BRMS1: variants seen among roughly 807,000 people sequenced by gnomAD.
The protein encoded by BRMS1 is BRMS1 transcriptional repressor and anoikis regulator.
A neutral mutation model predicts 40.4 loss-of-function variants in BRMS1; 26 were observed. That is an observed-to-expected ratio of 0.64 (90% CI 0.47 to 0.89). The LOEUF is 0.89. BRMS1 is among the 40% of genes least tolerant of loss of function. BRMS1 has a pLI of 0.00. For synonymous variants in BRMS1, 103 were observed against 116.0 expected (o/e 0.89, Z 0.72); for missense variants, 289 against 309.4 (o/e 0.93, Z 0.49).
chr11:66,342,599 G>A (rs1036971164), intron 1 of BRMS1, among the ~76,000 whole-genome samples: 2 of 152,276 alleles, frequency 1.3e-5, no homozygotes, highest in South Asian at 2.1e-4. Context: ...ACAGAGTCTC[G>A]CTCTGTTGAC....
intron 7 of BRMS1, among the ~76,000 whole-genome samples, chr11:66,339,207 G>A (rs1484134116): frequency 6.6e-6 from 1 of 152,172 alleles, no homozygotes. Flanking sequence ...TGGCCTTCCA[G>A]ATTCCTCCCT....
Position 66,341,535 on chromosome 11 carries a change from C to T in BRMS1, c.228G>A (p.Glu76=). The T allele has an allele frequency of 6.2e-7, 1 of 1,614,080 alleles. No individual in the cohort carries two copies. Among genetic ancestry groups the T allele is most frequent in the Non-Finnish European group, 8.5e-7 (1 of 1,179,988 alleles). The change falls in exon 3 of 10, where the codon GAG becomes GAA. Residue 76 remains glutamate (E), a splice_region_variant and synonymous_variant. Transcript: ENST00000359957. The surrounding 1 kb of genome is among the most constrained non-coding windows in gnomAD (Gnocchi z 4.9). ...GCCCAAGGTGTCCCCACGCTCACTT[C>T]TCCTTTAGCTCCGAGAACTGCTTCT... The part of the protein sequence containing the change: ...DLEKQFSELK[E]KLFRERLSQL...
chr11:66,340,901 G>A (rs1393425498), intron 5 of BRMS1, 31 bp from the exon 6 acceptor site: 8 of 1,613,580 alleles, frequency 5.0e-6, no homozygotes, highest in Non-Finnish European at 5.9e-6. Flanking sequence ...TCAGCAGGAC[G>A]GATGGGGTGA....
chr11:66,338,298 G>A lies in BRMS1; in HGVS notation c.694-16C>T, dbSNP rs757569591. The A allele has an allele frequency of 1.2e-6, 2 of 1,604,676 alleles. No homozygotes were observed. The highest frequency in any genetic ancestry group is 1.7e-5 in the Admixed American group (1 of 58,884). On this transcript the variant is annotated splice_polypyrimidine_tract_variant and intron_variant, in intron 8 of 9. Coordinates refer to ENST00000359957, the MANE Select transcript of BRMS1 (RefSeq NM_015399.4). ...CTGCCCTAGCCTGGGTGGGTGAGAA[G>A]AAAAGCTCCCCTGAGAGCCCACCTC...
At chr11:66,337,945 A>G in intron 9 of BRMS1, 56 bp from the exon 10 acceptor site, 47 of 1,566,890 alleles carry the variant, frequency 3.0e-5, no homozygotes, top group Non-Finnish European at 4.1e-5. Flanking sequence ...GAAAGGAAGG[A>G]GGCAGCCACT....
chr11:66,339,432 C>T (rs987758912), intron 7 of BRMS1, among the ~76,000 whole-genome samples: 1 of 152,214 alleles, frequency 6.6e-6, no homozygotes, highest in African/African-American at 2.4e-5. Flanking sequence ...GGCACAGAAG[C>T]ACACAGGAAA....
chr11:66,340,547 C>A (rs545042195), intron 6 of BRMS1, among the ~76,000 whole-genome samples: 2 of 152,320 alleles, frequency 1.3e-5, no homozygotes, highest in South Asian at 4.1e-4. Flanking sequence ...CACACTGATA[C>A]CTGTTTTGGA....
Position 66,341,254 on chromosome 11 carries a change from G to C in BRMS1, c.310C>G (p.Pro104Ala). Residue 104 changes from proline to alanine, a missense_variant, in exon 4 of 10, where the codon CCC becomes GCC. Physicochemically the swap from Pro to Ala is conservative, Grantham distance 27. Transcript: ENST00000359957. This position sits in a 1 kb window ranked among gnomAD's most constrained non-coding sequence, Gnocchi z 4.9. Reference sequence around the variant, plus strand: ...AGGCTCCGCTGCAGCCCCCCAAGGGGCTCCGTGTATTCAGGGGCTCTCTCA... The same window carrying C: ...AGGCTCCGCTGCAGCCCCCCAAGGGCCTCCGTGTATTCAGGGGCTCTCTCA... Reference protein sequence around the residue: ...GAERAPEYTEPLGGLQRSLKI... With the variant: ...GAERAPEYTEALGGLQRSLKI... 1 of 1,613,582 alleles carries C rather than the reference G, an allele frequency of 6.2e-7. No individual in the cohort carries two copies. Among genetic ancestry groups the C allele is most frequent in the South Asian group, 1.1e-5 (1 of 91,082 alleles).
In BRMS1 at chr11:66,337,700, A is replaced by T; in HGVS notation, c.*182T>A. 6.2e-7 allele frequency: 1 copy of T among 1,600,234 alleles called. No homozygotes were observed. Among genetic ancestry groups the T allele is most frequent in the Non-Finnish European group, 8.5e-7 (1 of 1,174,186 alleles). ...CACGGCCACAGCTGTGCAGGCCTCG[A>T]GGAGGGCAGAGGAGGAGTCCAGGCC... On this transcript the variant is annotated 3_prime_UTR_variant, in exon 10 of 10. Coordinates refer to ENST00000359957, the MANE Select transcript of BRMS1 (RefSeq NM_015399.4).
intron 1 of BRMS1, among the ~76,000 whole-genome samples, chr11:66,343,932 G>C (rs1178667733): frequency 2.0e-5 from 3 of 152,204 alleles, no homozygotes; most frequent in Non-Finnish European, 1.5e-5. Context: ...ACTGCCAAGA[G>C]ATCACCTAAG....
At chr11:66,338,353 C>T in intron 8 of BRMS1, 71 bp from the exon 9 acceptor site, 1 of 1,555,232 alleles carries the variant, frequency 6.4e-7, no homozygotes, top group Non-Finnish European at 8.7e-7. Context: ...CCACCCCCCA[C>T]CTCTGTGGCT....
At chr11:66,338,421 G>T in intron 8 of BRMS1, 139 bp from the exon 9 acceptor site, 1 of 1,515,740 alleles carries the variant, frequency 6.6e-7, no homozygotes. Flanking sequence ...CCCCACCCAG[G>T]CAGAGCTCCC....
At position 66,345,078 on chromosome 11, in the gene BRMS1, C is replaced by T. The variant is rs1855177443; in HGVS notation, c.-114G>A. ...GACTCCCGTAGGCGCTGCGCGGCTC[C>T]CTTTTCTTCGGGAGGCAGAGCCTAT... On this transcript the variant is annotated 5_prime_UTR_variant, in exon 1 of 10. Coordinates refer to ENST00000359957, the MANE Select transcript of BRMS1 (RefSeq NM_015399.4). The T allele has an allele frequency of 1.3e-5, 2 of 152,266 alleles. No homozygotes were observed. Among genetic ancestry groups the T allele is most frequent in the Admixed American group, 6.5e-5 (1 of 15,288 alleles). 9.4% of individuals were successfully genotyped at this position (152,266 alleles called of 1,614,324 possible). A position where few individuals can be genotyped will look rare whatever the true frequency, so the allele number is the denominator to read the frequency against.
At position 66,337,877 on chromosome 11, in the gene BRMS1, C is replaced by T. The variant is rs1445688203; in HGVS notation, c.*5G>A. ...TGAGGGTCCCCCTGGCTGTGAACAG[C>T]AGGGTCAAGGTCCTGTGCATATGTG... is the stretch of plus-strand genomic sequence containing the variant. On this transcript the variant is annotated 3_prime_UTR_variant, in exon 10 of 10. Transcript: ENST00000359957. 6.2e-7 allele frequency: 1 copy of T among 1,613,870 alleles called. No individual in the cohort carries two copies. Among genetic ancestry groups the T allele is most frequent in the Admixed American group, 1.7e-5 (1 of 60,004 alleles).
rs1565206721 is a variant in BRMS1 at position 66,341,633 on chromosome 11, G to A, written c.140-10C>T. 1 of 1,613,374 alleles carries A rather than the reference G, an allele frequency of 6.2e-7. No homozygotes were observed. The highest frequency in any genetic ancestry group is 8.5e-7 in the Non-Finnish European group (1 of 1,179,602). On this transcript the variant is annotated splice_polypyrimidine_tract_variant and intron_variant, in intron 2 of 9. Coordinates refer to ENST00000359957, the MANE Select transcript of BRMS1 (RefSeq NM_015399.4). The surrounding 1 kb of genome is among the most constrained non-coding windows in gnomAD (Gnocchi z 4.9). ...TCCTCATCATCCATCTCTGGGACAA[G>A]AGGCCAGTAAGGGCTAGCTCTGGGG...
Position 66,341,482 on chromosome 11 carries a change from C to A in BRMS1, c.230+51G>T. 4 of 1,606,968 alleles carry A rather than the reference C, an allele frequency of 2.5e-6. No individual in the cohort carries two copies. The highest frequency in any genetic ancestry group is 2.6e-6 in the Non-Finnish European group (3 of 1,173,938). ...GCCTGCCCAGTACCAGGCCCACCAC[C>A]TCCTCATCCCAGATCCTCGCAGACC... On this transcript the variant is annotated intron_variant, in intron 3 of 9. Transcript: ENST00000359957. The surrounding 1 kb of genome is among the most constrained non-coding windows in gnomAD (Gnocchi z 4.9).
At position 66,337,943 on chromosome 11, in the gene BRMS1, G is replaced by A. The variant is rs1023500913; in HGVS notation, c.734-54C>T. ...TCACCAGTTAGGAAGCTGAAAGGAA[G>A]GAGGCAGCCACTTACTGAGTGGCTT... On this transcript the variant is annotated intron_variant, in intron 9 of 9. Transcript: ENST00000359957. 52 of 1,569,968 alleles carry A rather than the reference G, an allele frequency of 3.3e-5. No homozygotes were observed. The East Asian group carries it at 6.8e-4, about 20-fold the overall frequency.
At chr11:66,340,277 C>T in intron 6 of BRMS1, 64 bp from the exon 7 acceptor site, 5 of 1,450,430 alleles carry the variant, frequency 3.4e-6, no homozygotes, top group Non-Finnish European at 4.8e-6. Flanking sequence ...TTTCTGTAGC[C>T]TCTGCCTCCA....
At chr11:66,343,948 G>A (rs1373865780) in intron 1 of BRMS1, among the ~76,000 whole-genome samples, 1 of 152,210 alleles carries the variant, frequency 6.6e-6, no homozygotes, top group Admixed American at 6.5e-5. Context: ...CTAAGAAGAA[G>A]AAAACAGTCC....
Sources: allele counts gnomAD v4.1 joint callset (sites outside exome capture counted in the v4.1 genomes callset), GRCh38; gene constraint gnomAD v4.1.1; non-coding constraint Gnocchi (gnomAD v3.1); transcripts MANE v1.5; gene names NCBI Gene and HGNC (gene_info 2026-07-23, HGNC 2026-07-21).